TRMT9B: variants seen among roughly 807,000 people sequenced by gnomAD.
TRMT9B encodes tRNA methyltransferase 9B (putative), also known as probable tRNA methyltransferase 9B.
TRMT9B carries 16 observed loss-of-function variants against 11.5 expected under a neutral mutation model. The observed-to-expected ratio is 1.39, with a 90% confidence interval of 0.94 to 2.11. The LOEUF is 2.11. TRMT9B is among the 30% of genes most tolerant of loss of function. The pLI is 0.00. For missense variants in TRMT9B, 941 were observed against 553.8 expected, an observed-to-expected ratio of 1.70 and a Z score of -7.02; for synonymous variants, 274 against 192.4, an observed-to-expected ratio of 1.42 and a Z score of -3.51.
At chr8:12,946,917 G>A (rs1365232005) in intron 1 of TRMT9B, among the ~76,000 whole-genome samples, 1 of 152,176 alleles carries the variant, frequency 6.6e-6, no homozygotes, top group Non-Finnish European at 1.5e-5. Context: ...CAGAGGTGTG[G>A]AAGATATCAG....
chr8:12,955,247 C>T (rs1195495234), intron 1 of TRMT9B, among the ~76,000 whole-genome samples: 1 of 152,144 alleles, frequency 6.6e-6, no homozygotes, highest in Non-Finnish European at 1.5e-5. Context: ...GGCTGTCACA[C>T]TTGCATCTTC....
chr8:13,002,380 G>C (rs1031842644), intron 2 of TRMT9B, among the ~76,000 whole-genome samples: 3 of 152,186 alleles, frequency 2.0e-5, no homozygotes, highest in Non-Finnish European at 2.9e-5. Flanking sequence ...AATCTACTGA[G>C]ATTTTGATTT....
intron 1 of TRMT9B, among the ~76,000 whole-genome samples, chr8:12,971,195 C>G (rs1163538497): frequency 6.6e-6 from 1 of 152,150 alleles, no homozygotes; most frequent in Non-Finnish European, 1.5e-5. Context: ...GCTGTATTAT[C>G]AAATACTGGT....
intron 1 of TRMT9B, among the ~76,000 whole-genome samples, chr8:12,971,919 A>C (rs949657215): frequency 6.6e-6 from 1 of 152,200 alleles, no homozygotes; most frequent in Non-Finnish European, 1.5e-5. Context: ...GTGAACCAAA[A>C]AAAACCCTAA....
intron 1 of TRMT9B, among the ~76,000 whole-genome samples, chr8:12,974,372 G>C (rs376662919): frequency 1.3e-5 from 2 of 152,122 alleles, no homozygotes; most frequent in African/African-American, 4.8e-5. Context: ...GTGATGAAAC[G>C]TGGAGCCTGG....
intron 1 of TRMT9B, among the ~76,000 whole-genome samples, chr8:12,975,863 C>T (rs745825596): frequency 1.4e-4 from 22 of 152,070 alleles, no homozygotes; most frequent in Non-Finnish European, 2.4e-4. Context: ...ACAGACATTA[C>T]GGATAAAGAG....
intron 1 of TRMT9B, among the ~76,000 whole-genome samples, chr8:12,986,802 C>G (rs932603777): frequency 6.6e-6 from 1 of 152,134 alleles, no homozygotes; most frequent in Non-Finnish European, 1.5e-5. Flanking sequence ...TAATTTGGTT[C>G]TTTCTCCTTA....
rs959232082 is a variant in TRMT9B at position 12,990,961 on chromosome 8, C to T, written c.-72C>T. The T allele has an allele frequency of 3.9e-6, 5 of 1,288,638 alleles. No homozygotes were observed. The African/African-American group carries it at 6.1e-5, about 16-fold the overall frequency. The allele number at this position is 1,288,638 out of a possible 1,614,324, so 79.8% of individuals were successfully genotyped here. On this transcript the variant is annotated 5_prime_UTR_variant, in exon 2 of 5. Transcript: ENST00000524591. ...AAAGTTATGAGAAGCAACTGTCACT[C>T]TCTGGAGGTGGAGACTGCCGTGATT...
intron 4 of TRMT9B, among the ~76,000 whole-genome samples, chr8:13,015,102 A>AAAC (rs1812384375): frequency 6.7e-6 from 1 of 148,430 alleles, no homozygotes; most frequent in South Asian, 2.2e-4. Flanking sequence ...AATAAATAAA[A>AAAC]TAAAAAGTCA....
At chr8:13,011,268 G>A (rs1811562991) in intron 3 of TRMT9B, 2 of 982,782 alleles carry the variant, frequency 2.0e-6, no homozygotes, top group South Asian at 9.4e-5. Context: ...TTATAGGCAT[G>A]AGCCACCGCG....
intron 1 of TRMT9B, among the ~76,000 whole-genome samples, chr8:12,951,113 G>C (rs1800570575): frequency 6.6e-6 from 1 of 152,188 alleles, no homozygotes; most frequent in Admixed American, 6.5e-5. Context: ...GGAAAGGTTT[G>C]TGTCCAGTTT....
chr8:12,967,160 TCTC>T (rs1331880349), intron 1 of TRMT9B, among the ~76,000 whole-genome samples: 5 of 152,308 alleles, frequency 3.3e-5, no homozygotes, highest in African/African-American at 1.2e-4. Flanking sequence ...GGGTAAGTCA[TCTC>T]CTGAATTTGT....
chr8:13,014,666 G>A (rs559797532), intron 4 of TRMT9B, among the ~76,000 whole-genome samples: 3 of 152,254 alleles, frequency 2.0e-5, no homozygotes, highest in South Asian at 4.1e-4. Flanking sequence ...TCTATAACCC[G>A]GAGAAAACCT....
At chr8:12,994,464 C>A (rs1807973980) in intron 2 of TRMT9B, among the ~76,000 whole-genome samples, 2 of 152,246 alleles carry the variant, frequency 1.3e-5, no homozygotes, top group African/African-American at 2.4e-5. Flanking sequence ...TTCTCCCTTT[C>A]CTTTCTTCCC....
At chr8:12,949,262 A>G (rs1800422480) in intron 1 of TRMT9B, among the ~76,000 whole-genome samples, 1 of 152,108 alleles carries the variant, frequency 6.6e-6, no homozygotes. Flanking sequence ...CTGAAATTTT[A>G]AAAAACTGAA....
chr8:12,952,776 G>A, intron 1 of TRMT9B: 1 of 761,890 alleles, frequency 1.3e-6, no homozygotes, highest in South Asian at 6.0e-5. Context: ...GTCTCTCTCT[G>A]TCACCCAGGC....
Position 13,023,621 on chromosome 8 carries a change from G to C in TRMT9B, c.*1577G>C, listed in dbSNP as rs1814286195. The C allele has an allele frequency of 6.0e-6, 1 of 167,116 alleles. No homozygotes were observed. The highest frequency in any genetic ancestry group is 2.4e-5 in the African/African-American group (1 of 41,462). 10.4% of individuals were successfully genotyped at this position (167,116 alleles called of 1,614,324 possible). A position where few individuals can be genotyped will look rare whatever the true frequency, so the allele number is the denominator to read the frequency against. On this transcript the variant is annotated 3_prime_UTR_variant, in exon 5 of 5. Coordinates refer to ENST00000524591, the MANE Select transcript of TRMT9B (RefSeq NM_020844.3). Reference sequence around the variant, plus strand: ...AGAAATAAGTTGACCCAGGAGTACAGTCTCAAGTAGTTCATTAATGAGAAA... The same window carrying C: ...AGAAATAAGTTGACCCAGGAGTACACTCTCAAGTAGTTCATTAATGAGAAA...
Position 13,006,238 on chromosome 8 carries a change from T to G in TRMT9B, c.36T>G (p.His12Gln). 6.2e-7 allele frequency: 1 copy of G among 1,614,020 alleles called. No individual in the cohort carries two copies. Among genetic ancestry groups the G allele is most frequent in the Non-Finnish European group, 8.5e-7 (1 of 1,179,902 alleles). Residue 12 changes from histidine to glutamine, a missense_variant, in exon 3 of 5, where the codon CAT becomes CAG. Coordinates refer to ENST00000524591, the MANE Select transcript of TRMT9B (RefSeq NM_020844.3). ...AAGCCGCCCAGCTGGAGAAGCAGCA[T>G]GTGCACAATGTGTACGAGAGCACAG... ...DHEAAQLEKQ[H>Q]VHNVYESTAP...
chr8:13,006,668 T>C, intron 3 of TRMT9B: 1 of 1,346,968 alleles, frequency 7.4e-7, no homozygotes, highest in Non-Finnish European at 9.5e-7. Context: ...CAAACTTTTA[T>C]TTTATTTTTA....
Sources: gnomAD v4.1 joint callset for allele counts (sites outside exome capture counted in the v4.1 genomes callset) on GRCh38, gnomAD v4.1.1 for gene constraint, MANE v1.5 for transcripts, NCBI Gene and HGNC (gene_info 2026-07-23, HGNC 2026-07-21) for gene names.